BLTP1: variants seen among roughly 807,000 people sequenced by gnomAD.
BLTP1 encodes the protein bridge-like lipid transfer protein family member 1, also known as fragile site-associated protein.
chr4:122,184,688 A>G, the BLTP1 span: 27 of 985,352 alleles, frequency 2.7e-5, no homozygotes, highest in Admixed American at 6.1e-5. Context: ...GCTAAGAAAA[A>G]AAGGTAAAAA....
At chr4:122,174,269 C>T in the BLTP1 span, 15 of 984,910 alleles carry the variant, frequency 1.5e-5, no homozygotes, top group Non-Finnish European at 1.7e-5. Flanking sequence ...GTGAATTAGT[C>T]ACTACTTTGG....
chr4:122,318,345 G>C, the BLTP1 span: 1 of 1,159,006 alleles, frequency 8.6e-7, no homozygotes, highest in Non-Finnish European at 1.3e-6. Flanking sequence ...CTGCGTACCA[G>C]GTACCATCTA....
the BLTP1 span, among the ~76,000 whole-genome samples, chr4:122,327,208 T>C: frequency 1.3e-5 from 2 of 150,948 alleles, no homozygotes; most frequent in African/African-American, 4.9e-5. Context: ...ACTGTAGTCA[T>C]CTCTCAATAT....
the BLTP1 span, chr4:122,152,392 T>C: frequency 3.0e-6 from 3 of 985,808 alleles, no homozygotes; most frequent in Non-Finnish European, 3.6e-6. Context: ...TGGGTGTCGG[T>C]GGCTGCGGCC....
At chr4:122,311,263 A>G in the BLTP1 span, among the ~76,000 whole-genome samples, 1 of 152,194 alleles carries the variant, frequency 6.6e-6, no homozygotes, top group African/African-American at 2.4e-5. Flanking sequence ...CTGTTAATAC[A>G]GAACACTAAC....
At chr4:122,295,265 C>T in the BLTP1 span, among the ~76,000 whole-genome samples, 1 of 146,314 alleles carries the variant, frequency 6.8e-6, no homozygotes, top group South Asian at 2.1e-4. Context: ...GCAGAGAACC[C>T]CAGTAAGACA....
chr4:122,269,448 C>T, the BLTP1 span: 2 of 985,204 alleles, frequency 2.0e-6, no homozygotes, highest in Non-Finnish European at 2.4e-6. Context: ...CTGAACTTGA[C>T]ATTCCTTTTA....
chr4:122,217,210 C>T, the BLTP1 span, among the ~76,000 whole-genome samples: 5 of 151,962 alleles, frequency 3.3e-5, no homozygotes, highest in Non-Finnish European at 7.4e-5. Context: ...CATTGGTCTG[C>T]GTGCCTGTTT....
chr4:122,296,807 A>G, the BLTP1 span, among the ~76,000 whole-genome samples: 1 of 152,198 alleles, frequency 6.6e-6, no homozygotes, highest in African/African-American at 2.4e-5. Context: ...ACAAAAAACA[A>G]ACAATGGGGA....
chr4:122,169,534 G>A, the BLTP1 span: 1 of 675,624 alleles, frequency 1.5e-6, no homozygotes, highest in Non-Finnish European at 1.8e-6. Context: ...CGGTAGGTTG[G>A]GTTAGTCATA....
the BLTP1 span, chr4:122,261,819 G>A: frequency 3.0e-6 from 3 of 984,804 alleles, no homozygotes; most frequent in Non-Finnish European, 3.6e-6. Flanking sequence ...TTAATACGTT[G>A]TGAGTGTTCT....
At chr4:122,362,293 T>C in the BLTP1 span, 1 of 1,436,686 alleles carries the variant, frequency 7.0e-7, no homozygotes, top group South Asian at 1.2e-5. Flanking sequence ...GTCTGTTTTA[T>C]TACACTGGAG....
the BLTP1 span, among the ~76,000 whole-genome samples, chr4:122,168,288 A>G: frequency 6.6e-6 from 1 of 152,098 alleles, no homozygotes; most frequent in African/African-American, 2.4e-5. Context: ...GTGGTAGGTC[A>G]TGATTATTTT....
chr4:122,167,740 A>G, the BLTP1 span: 1 of 985,400 alleles, frequency 1.0e-6, no homozygotes, highest in Non-Finnish European at 1.2e-6. Context: ...TATTCATATC[A>G]GGCTCTGACA....
chr4:122,352,874 C>A, the BLTP1 span: 1 of 1,610,382 alleles, frequency 6.2e-7, no homozygotes, highest in East Asian at 2.2e-5. Context: ...TTAGGCACTT[C>A]AGGATATGTG....
chr4:122,289,830 T>G, the BLTP1 span: 1 of 971,868 alleles, frequency 1.0e-6, no homozygotes, highest in Non-Finnish European at 1.2e-6. Flanking sequence ...TTTAACAAAT[T>G]TATGAAGTAT....
the BLTP1 span, among the ~76,000 whole-genome samples, chr4:122,233,534 T>C: frequency 3.3e-5 from 5 of 152,204 alleles, no homozygotes; most frequent in African/African-American, 1.2e-4. Context: ...TTTATTTTGA[T>C]GGTGTTTTAA....
At chr4:122,342,995 T>C in the BLTP1 span, among the ~76,000 whole-genome samples, 1 of 152,232 alleles carries the variant, frequency 6.6e-6, no homozygotes, top group Non-Finnish European at 1.5e-5. Flanking sequence ...TACCTTGCCC[T>C]GTTTCCACTG....
At chr4:122,243,910 T>C in the BLTP1 span, 2 of 1,609,470 alleles carry the variant, frequency 1.2e-6, no homozygotes, top group Non-Finnish European at 8.5e-7. Context: ...GATGAAACAT[T>C]AACAGAAGAG....
Sources: allele counts gnomAD v4.1 joint callset (sites outside exome capture counted in the v4.1 genomes callset), GRCh38; gene constraint gnomAD v4.1.1; transcripts MANE v1.5; gene names NCBI Gene and HGNC (gene_info 2026-07-23, HGNC 2026-07-21).